RIPOR2: variants seen among roughly 807,000 people sequenced by gnomAD.
RIPOR2 encodes rho family-interacting cell polarization regulator 2.
A neutral mutation model predicts 114.5 loss-of-function variants in RIPOR2; 39 were observed. The ratio of observed to expected loss-of-function variants is 0.34; its 90% confidence interval spans 0.26 to 0.44. The LOEUF (loss-of-function observed/expected upper bound fraction) is 0.44, where lower values mean the gene tolerates loss of function less well. Among genes scored for constraint, RIPOR2 ranks in the 20% least tolerant of loss-of-function variants. The probability of loss-of-function intolerance (pLI) is 1.00; values close to 1 mark genes in which losing one functional copy is unlikely to be tolerated. For missense variants in RIPOR2, 1,007 were observed against 1,255.1 expected (o/e 0.80, Z 2.99); for synonymous variants, 445 against 484.4 (o/e 0.92, Z 1.07).
At chr6:24,926,534 A>C (rs1770870402) in intron 1 of RIPOR2, among the ~76,000 whole-genome samples, 1 of 152,212 alleles carries the variant, frequency 6.6e-6, no homozygotes. Context: ...GAGATCAGAT[A>C]GCAATCAGGT....
At chr6:24,862,935 T>C (rs940896399) in intron 7 of RIPOR2, among the ~76,000 whole-genome samples, 1 of 152,044 alleles carries the variant, frequency 6.6e-6, no homozygotes, top group Non-Finnish European at 1.5e-5. Context: ...TGTGGTTATG[T>C]GAGGATGTAT....
intron 1 of RIPOR2, among the ~76,000 whole-genome samples, chr6:24,941,135 C>T (rs897661970): frequency 1.1e-4 from 16 of 152,140 alleles, no homozygotes; most frequent in Non-Finnish European, 2.4e-4. Context: ...CACTTAGAGT[C>T]ACTTACTGAA....
chr6:24,826,886 T>C (rs1469680615), intron 18 of RIPOR2, among the ~76,000 whole-genome samples: 1 of 149,106 alleles, frequency 6.7e-6, no homozygotes, highest in African/African-American at 2.5e-5. Flanking sequence ...TCTTTCTTTA[T>C]ACTTCTCTGT....
intron 1 of RIPOR2, among the ~76,000 whole-genome samples, chr6:24,993,240 T>C (rs1314661807): frequency 6.6e-6 from 1 of 152,234 alleles, no homozygotes; most frequent in African/African-American, 2.4e-5. Flanking sequence ...TCTAAGAACT[T>C]GCTTTATGAA....
intron 12 of RIPOR2, among the ~76,000 whole-genome samples, chr6:24,844,000 T>A (rs113504441): frequency 7.2e-5 from 11 of 152,298 alleles, no homozygotes; most frequent in African/African-American, 2.4e-4. Context: ...TCCAAAGTTG[T>A]GATGTTTTGT....
At chr6:25,005,694 G>GATAGGTAT (rs1554130520) in intron 1 of RIPOR2, among the ~76,000 whole-genome samples, 1 of 45,378 alleles carries the variant, frequency 2.2e-5, no homozygotes, top group Admixed American at 2.5e-4. Flanking sequence ...TCCCTATGGA[G>GATAGGTAT]ATATATATAT....
At chr6:24,892,593 C>T (rs896871249) in intron 1 of RIPOR2, among the ~76,000 whole-genome samples, 2 of 152,020 alleles carry the variant, frequency 1.3e-5, no homozygotes, top group Non-Finnish European at 1.5e-5. Context: ...TTCTTGTGTC[C>T]TCATCTCATC....
intron 1 of RIPOR2, among the ~76,000 whole-genome samples, chr6:24,994,424 A>T (rs1391372235): frequency 2.0e-5 from 3 of 152,208 alleles, no homozygotes; most frequent in Non-Finnish European, 4.4e-5. Context: ...CATCAAAAAC[A>T]CCATGTGCTA....
rs543133092 is a variant in RIPOR2, at chr6:24,963,776, G to A, written c.76+78075C>T. On this transcript the variant is annotated intron_variant, in intron 1 of 13. Coordinates refer to the RIPOR2 transcript ENST00000510784. Reference sequence around the variant, plus strand: ...TGTGTGTGTGTATTTGTCCTCCTTGGCATTCGCTTAGCCTTTGGGTAAAAA... The same window carrying A: ...TGTGTGTGTGTATTTGTCCTCCTTGACATTCGCTTAGCCTTTGGGTAAAAA... Among the ~76,000 whole-genome samples, 4 of 151,366 alleles carry A rather than the reference G, an allele frequency of 2.6e-5. No homozygotes were observed. The East Asian group carries it at 7.9e-4, about 30-fold the overall frequency.
At chr6:24,905,021 C>T (rs564456101) in intron 1 of RIPOR2, among the ~76,000 whole-genome samples, 19 of 152,120 alleles carry the variant, frequency 1.2e-4, no homozygotes, top group African/African-American at 2.2e-4. Context: ...ATGATCCACC[C>T]GCCTCAGCCT....
At chr6:25,035,307 G>C (rs567973209) in intron 1 of RIPOR2, among the ~76,000 whole-genome samples, 1 of 152,144 alleles carries the variant, frequency 6.6e-6, no homozygotes, top group Non-Finnish European at 1.5e-5. Context: ...TATACTTGGG[G>C]TAAACTCCTC....
chr6:24,807,829 T>C (rs1419747881), intron 21 of RIPOR2, among the ~76,000 whole-genome samples: 1 of 152,220 alleles, frequency 6.6e-6, no homozygotes, highest in Non-Finnish European at 1.5e-5. Context: ...CGCAATGACC[T>C]TCTGCCCTTT....
chr6:24,953,043 G>T (rs374675), intron 1 of RIPOR2, among the ~76,000 whole-genome samples: 140,838 of 152,246 alleles, frequency 0.93, 65,576 homozygotes, highest in East Asian at 0.99. Flanking sequence ...TATTAATAAT[G>T]AAGGTTATGG....
intron 1 of RIPOR2, chr6:24,976,283 ATATGCCTTGAAAT>A: frequency 1.5e-6 from 1 of 658,246 alleles, no homozygotes; most frequent in Non-Finnish European, 2.6e-6. Context: ...TAGAACGTAT[ATATGCCTTGAAAT>A]ATTGTGCAAC....
chr6:25,024,033 C>A, intron 1 of RIPOR2: 1 of 756,392 alleles, frequency 1.3e-6, no homozygotes. Context: ...GGCCCTTGAA[C>A]CGGTTGTAGA....
intron 1 of RIPOR2, among the ~76,000 whole-genome samples, chr6:25,032,027 A>G (rs1252193086): frequency 6.6e-6 from 1 of 151,528 alleles, no homozygotes; most frequent in Non-Finnish European, 1.5e-5. Context: ...TGATGAGTTC[A>G]AGAGTACTCT....
intron 15 of RIPOR2, among the ~76,000 whole-genome samples, chr6:24,835,292 C>T (rs568126734): frequency 6.6e-6 from 1 of 152,310 alleles, no homozygotes; most frequent in African/African-American, 2.4e-5. Flanking sequence ...TTCTTTAACA[C>T]TTTCTTTTAG....
intron 1 of RIPOR2, among the ~76,000 whole-genome samples, chr6:24,964,174 T>TGTGTGTGTGTGTGC (rs940713658): frequency 1.3e-5 from 2 of 151,744 alleles, no homozygotes; most frequent in African/African-American, 4.8e-5. Context: ...TGTGTGTGTG[T>TGTGTGTGTGTGTGC]GTGTGTTTCT....
chr6:24,976,975 C>G (rs997771790), intron 1 of RIPOR2: 7 of 1,543,950 alleles, frequency 4.5e-6, no homozygotes, highest in East Asian at 2.3e-5. Context: ...GTGGACAACT[C>G]GAATAAGTTT....
Sources: allele counts gnomAD v4.1 joint callset (sites outside exome capture counted in the v4.1 genomes callset), GRCh38; gene constraint gnomAD v4.1.1; transcripts MANE v1.5; gene names NCBI Gene and HGNC (gene_info 2026-07-23, HGNC 2026-07-21).